Variants in TUT7 observed in about 807,000 individuals in gnomAD.
TUT7 encodes terminal uridylyl transferase 7.
TUT7 carries 33 observed loss-of-function variants against 165.9 expected under a neutral mutation model. That is an observed-to-expected ratio of 0.20 (90% CI 0.15 to 0.27). The LOEUF (loss-of-function observed/expected upper bound fraction) is 0.27, where lower values mean the gene tolerates loss of function less well. Among genes scored for constraint, TUT7 ranks in the 10% least tolerant of loss-of-function variants. The pLI, the probability that TUT7 is intolerant of heterozygous loss-of-function variation, is 1.00. For synonymous variants in TUT7, 552 were observed against 608.1 expected (o/e 0.91, Z 1.36); for missense variants, 1,338 against 1,762.3 (o/e 0.76, Z 4.31).
At chr9:86,345,820 T>C (rs1195070797) in intron 3 of TUT7, 35 bp from the exon 4 acceptor site, 1 of 1,424,020 alleles carries the variant, frequency 7.0e-7, no homozygotes, top group Non-Finnish European at 9.8e-7. Context: ...GAGAGAGACA[T>C]AAGTAAAACC....
intron 26 of TUT7, among the ~76,000 whole-genome samples, chr9:86,292,139 G>A (rs940212121): frequency 2.0e-5 from 3 of 152,044 alleles, no homozygotes; most frequent in African/African-American, 7.2e-5. Flanking sequence ...GATCTCCCGG[G>A]CTCAAGCCAT....
chr9:86,293,030 A>G (rs992124645), intron 26 of TUT7, among the ~76,000 whole-genome samples: 3 of 152,232 alleles, frequency 2.0e-5, no homozygotes, highest in Non-Finnish European at 2.9e-5. Context: ...GAATTTTTAT[A>G]TAATATAGAG....
intron 2 of TUT7, among the ~76,000 whole-genome samples, chr9:86,349,021 G>A (rs763068425): frequency 1.3e-5 from 2 of 152,126 alleles, no homozygotes; most frequent in Non-Finnish European, 2.9e-5. Context: ...GCTCATGCCT[G>A]TAATCCCAGC....
intron 11 of TUT7, among the ~76,000 whole-genome samples, chr9:86,326,145 G>A (rs970208550): frequency 1.3e-5 from 2 of 152,208 alleles, no homozygotes; most frequent in Non-Finnish European, 2.9e-5. Context: ...GGCCCAAATA[G>A]AGATTCTGCC....
Position 86,353,214 on chromosome 9 carries a change from A to G in TUT7, c.-15T>C. The stretch of plus-strand genomic sequence containing the variant: ...GTATCTCCCATGGTCTTTGACTTCA[A>G]TTTTCTTACTTTGCACCTGAAAGAA... On this transcript the variant is annotated 5_prime_UTR_variant, in exon 2 of 27. Transcript: ENST00000375963. The G allele has an allele frequency of 6.5e-7, 1 of 1,541,908 alleles. No individual in the cohort carries two copies. Among genetic ancestry groups the G allele is most frequent in the East Asian group, 2.3e-5 (1 of 44,160 alleles).
At chr9:86,348,554 ACCAG>A (rs1831979043) in intron 2 of TUT7, among the ~76,000 whole-genome samples, 1 of 152,084 alleles carries the variant, frequency 6.6e-6, no homozygotes, top group East Asian at 1.9e-4. Context: ...GAAGTTCAAG[ACCAG>A]CCTGGACAAC....
chr9:86,309,144 A>G (rs1363409284), intron 21 of TUT7, 68 bp downstream of exon 21: 1 of 949,688 alleles, frequency 1.1e-6, no homozygotes, highest in African/African-American at 1.7e-5. Flanking sequence ...GTTGTTGAAC[A>G]TCTACACTGT....
intron 10 of TUT7, among the ~76,000 whole-genome samples, chr9:86,335,443 T>C (rs1319858476): frequency 2.0e-5 from 3 of 151,616 alleles, no homozygotes; most frequent in East Asian, 1.9e-4. Flanking sequence ...TTGGAGAGGG[T>C]TGGAGTCTCC....
intron 26 of TUT7, among the ~76,000 whole-genome samples, chr9:86,298,325 G>A (rs1370015574): frequency 6.6e-6 from 1 of 152,172 alleles, no homozygotes; most frequent in Non-Finnish European, 1.5e-5. Flanking sequence ...GGAGGGGAGA[G>A]GCTGGATAGC....
At chr9:86,348,507 C>CT (rs1219975998) in intron 2 of TUT7, among the ~76,000 whole-genome samples, 1 of 152,044 alleles carries the variant, frequency 6.6e-6, no homozygotes, top group Admixed American at 6.6e-5. Context: ...ATTCCCAGCA[C>CT]TTTGGGAGGG....
At chr9:86,293,490 A>T (rs1330601593) in intron 26 of TUT7, among the ~76,000 whole-genome samples, 1 of 150,806 alleles carries the variant, frequency 6.6e-6, no homozygotes, top group Non-Finnish European at 1.5e-5. Context: ...GAAATCATGT[A>T]AAAAAAAATG....
chr9:86,322,521 C>G, intron 13 of TUT7, 46 bp from the exon 14 acceptor site: 1 of 1,566,544 alleles, frequency 6.4e-7, no homozygotes, highest in Non-Finnish European at 8.6e-7. Flanking sequence ...ACTTTATTTG[C>G]CAAATAAAGG....
intron 10 of TUT7, among the ~76,000 whole-genome samples, chr9:86,335,718 C>A (rs1328760892): frequency 1.3e-5 from 2 of 152,170 alleles, no homozygotes; most frequent in Non-Finnish European, 2.9e-5. Flanking sequence ...AAATATCTAG[C>A]ATAAAGATAC....
At chr9:86,326,965 A>C (rs1440912529) in intron 11 of TUT7, among the ~76,000 whole-genome samples, 2 of 152,252 alleles carry the variant, frequency 1.3e-5, no homozygotes, top group African/African-American at 2.4e-5. Context: ...TAAGGTGCAC[A>C]AATTTGTTTT....
chr9:86,325,278 G>C, intron 12 of TUT7, 56 bp downstream of exon 12: 1 of 1,539,790 alleles, frequency 6.5e-7, no homozygotes, highest in Non-Finnish European at 8.9e-7. Flanking sequence ...CATGCTGTTA[G>C]ACTGGTACCT....
rs781385125 is a variant in TUT7, at chr9:86,328,473, C to T, written c.1475G>A (p.Ser492Asn). Reference protein sequence around the residue: ...LGSWIEGFSLSKLGNFNLQDI... With the variant: ...LGSWIEGFSLNKLGNFNLQDI... ...TTGAAGGTTGAAATTCCCTAGTTTGCTTAATGAGAATCCTTCAATCTAGGA... is the reference window on the plus strand; with the variant it reads ...TTGAAGGTTGAAATTCCCTAGTTTGTTTAATGAGAATCCTTCAATCTAGGA... The change falls in exon 11 of 27, where the codon AGC becomes AAC. Residue 492 changes from serine to asparagine, a missense_variant. By Grantham distance (46) the Ser-to-Asn change is conservative. Around this residue, in one of 7 missense-constraint regions of TUT7, gnomAD observed 74 missense variants for 128.5 expected, o/e 0.58. Coordinates refer to ENST00000375963, the MANE Select transcript of TUT7 (RefSeq NM_024617.4). The T allele has an allele frequency of 3.7e-6, 6 of 1,606,778 alleles. No homozygotes were observed. The Admixed American group carries it at 6.8e-5, about 18-fold the overall frequency.
intron 26 of TUT7, among the ~76,000 whole-genome samples, chr9:86,301,074 C>T (rs557234485): frequency 7.9e-5 from 12 of 152,148 alleles, no homozygotes; most frequent in Non-Finnish European, 1.2e-4. Flanking sequence ...TCTCATAAGA[C>T]TCTAAATAAA....
chr9:86,321,982 G>A (rs1007443082), intron 14 of TUT7, among the ~76,000 whole-genome samples: 1 of 152,052 alleles, frequency 6.6e-6, no homozygotes, highest in African/African-American at 2.4e-5. Flanking sequence ...AGGCTGAGGT[G>A]AGAGGATTGC....
chr9:86,332,044 C>A (rs1239163887), intron 10 of TUT7, among the ~76,000 whole-genome samples: 1 of 152,156 alleles, frequency 6.6e-6, no homozygotes, highest in African/African-American at 2.4e-5. Context: ...ATCAAAACCA[C>A]AATGAGATAC....
Sources: allele counts gnomAD v4.1 joint callset (sites outside exome capture counted in the v4.1 genomes callset), GRCh38; gene constraint gnomAD v4.1.1; regional missense constraint gnomAD v4.1.1; transcripts MANE v1.5; gene names NCBI Gene and HGNC (gene_info 2026-07-23, HGNC 2026-07-21).